Variants in ACO1 observed in about 807,000 individuals in gnomAD.
ACO1 encodes the protein cytoplasmic aconitate hydratase.
Under a neutral mutation model 105.1 loss-of-function variants are expected in ACO1, and 78 were observed. The ratio of observed to expected loss-of-function variants is 0.74; its 90% CI spans 0.62 to 0.90. The LOEUF (loss-of-function observed/expected upper bound fraction) is 0.90. Among genes scored for constraint, ACO1 ranks in the 40% least tolerant of loss-of-function variants. The pLI, the probability that ACO1 is intolerant of heterozygous loss-of-function variation, is 0.00. For synonymous variants in ACO1, 364 were observed against 397.4 expected (o/e 0.92, Z 1.00); for missense variants, 965 against 1,111.1 (o/e 0.87, Z 1.87).
intron 19 of ACO1, among the ~76,000 whole-genome samples, chr9:32,444,442 C>T (rs1431149745): frequency 1.3e-5 from 2 of 152,200 alleles, no homozygotes; most frequent in African/African-American, 4.8e-5. Context: ...CTCCCACCAA[C>T]AGTGTAAAAG....
chr9:32,405,856 A>G (rs1821599023), intron 2 of ACO1, among the ~76,000 whole-genome samples: 2 of 152,240 alleles, frequency 1.3e-5, no homozygotes, highest in African/African-American at 2.4e-5. Flanking sequence ...TAATCTGAAT[A>G]ACAACCCTAT....
Position 32,418,420 on chromosome 9 carries a change from A to G in ACO1, c.567A>G (p.Val189=), listed in dbSNP as rs750952732. The G allele has an allele frequency of 7.4e-6, 12 of 1,614,088 alleles. No individual in the cohort carries two copies. The highest frequency in any genetic ancestry group is 1.0e-5 in the Non-Finnish European group (12 of 1,180,026). ...ATTTGGAATATTTGGCAAGAGTGGT[A>G]TTTGATCAGGATGGATATTATTACC... ...QVNLEYLARV[V]FDQDGYYYPD... Residue 189 remains valine (V), a synonymous_variant, in exon 6 of 21, where the codon GTA becomes GTG. Coordinates refer to ENST00000309951, the MANE Select transcript of ACO1 (RefSeq NM_002197.3).
At position 32,424,605 on chromosome 9, in the gene ACO1, T is replaced by C; in HGVS notation, c.1128T>C (p.Pro376=). The part of the protein sequence containing the change: ...VVPCCSGPKR[P]QDKVAVSDMK... ...CTTGCTGTAGTGGACCCAAAAGGCCTCAGGACAAAGTTGCTGTGTCCGACA... is the reference window on the plus strand; with the variant it reads ...CTTGCTGTAGTGGACCCAAAAGGCCCCAGGACAAAGTTGCTGTGTCCGACA... The change falls in exon 10 of 21, where the codon CCT becomes CCC. Residue 376 remains proline (P), a synonymous_variant. Coordinates refer to ENST00000309951, the MANE Select transcript of ACO1 (RefSeq NM_002197.3). The C allele has an allele frequency of 6.2e-7, 1 of 1,614,112 alleles. No homozygotes were observed. Among genetic ancestry groups the C allele is most frequent in the Non-Finnish European group, 8.5e-7 (1 of 1,179,998 alleles).
At chr9:32,401,224 A>C (rs1393242221) in intron 1 of ACO1, among the ~76,000 whole-genome samples, 1 of 152,182 alleles carries the variant, frequency 6.6e-6, no homozygotes, top group African/African-American at 2.4e-5. Flanking sequence ...TCTGAAACAC[A>C]TGGAAGTTTT....
chr9:32,448,173 A>AGGGAGAT (rs1822664082), intron 19 of ACO1, among the ~76,000 whole-genome samples: 2 of 152,178 alleles, frequency 1.3e-5, no homozygotes, highest in Non-Finnish European at 2.9e-5. Flanking sequence ...GCTCTGTCCC[A>AGGGAGAT]GGGAGATGGG....
chr9:32,388,493 C>T (rs1455578566), intron 1 of ACO1, among the ~76,000 whole-genome samples: 4 of 152,012 alleles, frequency 2.6e-5, no homozygotes, highest in South Asian at 2.1e-4. Flanking sequence ...TGCATCACGG[C>T]ACTCCAGCCT....
intron 1 of ACO1, among the ~76,000 whole-genome samples, chr9:32,399,731 G>A (rs1461510334): frequency 3.3e-5 from 5 of 151,636 alleles, no homozygotes; most frequent in African/African-American, 1.2e-4. Flanking sequence ...AATATCACAC[G>A]ATTGTCCTAT....
At chr9:32,388,706 G>C (rs1421350862) in intron 1 of ACO1, among the ~76,000 whole-genome samples, 1 of 152,194 alleles carries the variant, frequency 6.6e-6, no homozygotes, top group Non-Finnish European at 1.5e-5. Context: ...AGATAGACCA[G>C]TAGCCAGTTC....
chr9:32,402,161 A>G (rs796759723), intron 1 of ACO1, among the ~76,000 whole-genome samples: 12 of 152,326 alleles, frequency 7.9e-5, no homozygotes, highest in African/African-American at 2.9e-4. Flanking sequence ...CTTGTACCTT[A>G]AAAGATACCA....
rs57615512 is a variant in ACO1 at position 32,399,966 on chromosome 9, G to GTTTTTTTTT, written c.-22-5505_-22-5497dup. Among the ~76,000 whole-genome samples, 170 of 69,806 alleles carry GTTTTTTTTT rather than the reference G, an allele frequency of 2.4e-3. 13 individuals are homozygous for GTTTTTTTTT. The highest frequency in any genetic ancestry group is 2.8e-3 in the Non-Finnish European group (111 of 40,360). 45.8% of individuals were successfully genotyped at this position (69,806 alleles called of 152,430 possible). ...ATTTCTTTTATTTTTTTCTTTTTCT[G>GTTTTTTTTT]TTTTTTTTTTTTTTTTTTTTTTGCG... On this transcript the variant is annotated intron_variant, in intron 1 of 20. Coordinates refer to ENST00000309951, the MANE Select transcript of ACO1 (RefSeq NM_002197.3).
chr9:32,434,361 AG>A (rs1453799022), intron 16 of ACO1, among the ~76,000 whole-genome samples, 197 bp from the exon 17 acceptor site: 1 of 152,214 alleles, frequency 6.6e-6, no homozygotes, highest in Non-Finnish European at 1.5e-5. Context: ...TTTCTTCAAG[AG>A]TAAGATATGA....
At chr9:32,418,997 G>T in intron 6 of ACO1, 41 bp from the exon 7 acceptor site, 1 of 1,527,240 alleles carries the variant, frequency 6.5e-7, no homozygotes, top group Non-Finnish European at 8.8e-7. Flanking sequence ...ATAGAGTAAG[G>T]GGTAATGAAG....
At chr9:32,397,956 G>A (rs893151901) in intron 1 of ACO1, among the ~76,000 whole-genome samples, 1 of 152,112 alleles carries the variant, frequency 6.6e-6, no homozygotes, top group Non-Finnish European at 1.5e-5. Context: ...ATCATCTGAA[G>A]GCTCTTTCAA....
At chr9:32,438,540 A>G (rs1822411063) in intron 18 of ACO1, among the ~76,000 whole-genome samples, 1 of 152,222 alleles carries the variant, frequency 6.6e-6, no homozygotes, top group African/African-American at 2.4e-5. Context: ...AAATTGCCTG[A>G]TGTGTCTGAA....
chr9:32,426,005 C>T lies in ACO1; in HGVS notation c.1348+8C>T. The T allele has an allele frequency of 6.2e-7, 1 of 1,612,562 alleles. No individual in the cohort carries two copies. Among genetic ancestry groups the T allele is most frequent in the East Asian group, 2.2e-5 (1 of 44,838 alleles). Reference sequence around the variant, plus strand: ...CTGTGATGTTAGGGGCAGGTAAGTGCATTTGACTCCATCCTCATGGTCATA... The same window carrying T: ...CTGTGATGTTAGGGGCAGGTAAGTGTATTTGACTCCATCCTCATGGTCATA... On this transcript the variant is annotated splice_region_variant and intron_variant, in intron 11 of 20. Transcript: ENST00000309951.
chr9:32,418,981 TGA>T, intron 6 of ACO1, 55 bp from the exon 7 acceptor site: 1 of 1,477,400 alleles, frequency 6.8e-7, no homozygotes, highest in Non-Finnish European at 9.0e-7. Context: ...AATTTATACC[TGA>T]GAGATAGAGT....
intron 4 of ACO1, among the ~76,000 whole-genome samples, chr9:32,412,858 C>A (rs1270237561): frequency 1.3e-5 from 2 of 152,156 alleles, no homozygotes; most frequent in East Asian, 3.9e-4. Context: ...TGGAGTCTTT[C>A]ATTAATGTTG....
chr9:32,404,465 A>G (rs567349422), intron 1 of ACO1, among the ~76,000 whole-genome samples: 34 of 152,328 alleles, frequency 2.2e-4, no homozygotes, highest in African/African-American at 6.5e-4. Flanking sequence ...AGAAAAAATT[A>G]GTTGCCAACT....
At chr9:32,435,929 T>C (rs1316904204) in intron 17 of ACO1, 2 of 466,614 alleles carry the variant, frequency 4.3e-6, no homozygotes, top group Non-Finnish European at 8.2e-6. Context: ...CTTTATCTTA[T>C]ATGAAGCTTT....
Sources: allele counts gnomAD v4.1 joint callset (sites outside exome capture counted in the v4.1 genomes callset), GRCh38; gene constraint gnomAD v4.1.1; transcripts MANE v1.5; gene names NCBI Gene and HGNC (gene_info 2026-07-23, HGNC 2026-07-21).